Variants in FNDC3B observed in about 807,000 individuals in gnomAD.
FNDC3B encodes the protein fibronectin type III domain containing 3B.
In FNDC3B, 12 loss-of-function variants were observed where a neutral mutation model predicts 151.5. That is an observed-to-expected ratio of 0.08 (90% CI 0.05 to 0.13). The LOEUF is 0.13. Among genes scored for constraint, FNDC3B ranks in the 10% least tolerant of loss-of-function variants. The pLI is 1.00. For missense variants in FNDC3B, 1,214 were observed against 1,505.3 expected (o/e 0.81, Z 3.20); for synonymous variants, 528 against 549.0 (o/e 0.96, Z 0.54).
At position 172,112,538 on chromosome 3, in the gene FNDC3B, A is replaced by G. The variant is rs1245808526; in HGVS notation, c.59A>G (p.Asn20Ser). 6.2e-7 allele frequency: 1 copy of G among 1,614,144 alleles called. No homozygotes were observed. Among genetic ancestry groups the G allele is most frequent in the East Asian group, 2.2e-5 (1 of 44,878 alleles). ...CCTCTGGAACTGCCACCATTGCTGAACGGAGAGGTAGCCATGATGCCCCAC... is the reference window on the plus strand; with the variant it reads ...CCTCTGGAACTGCCACCATTGCTGAGCGGAGAGGTAGCCATGATGCCCCAC... ...QIPLELPPLLNGEVAMMPHLV... is the reference protein window; with the variant it reads ...QIPLELPPLLSGEVAMMPHLV... Residue 20 changes from asparagine (N) to serine (S), a missense_variant, in exon 2 of 26, where the codon AAC becomes AGC. Around this residue, in one of 7 missense-constraint regions of FNDC3B, gnomAD observed 113 missense variants for 177.8 expected, o/e 0.64. Coordinates refer to ENST00000415807, the MANE Select transcript of FNDC3B (RefSeq NM_022763.4).
At chr3:172,332,841 C>G (rs1196235564) in intron 13 of FNDC3B, among the ~76,000 whole-genome samples, 1 of 152,164 alleles carries the variant, frequency 6.6e-6, no homozygotes, top group Non-Finnish European at 1.5e-5. Flanking sequence ...TTGCTTAACT[C>G]CTTTGTCACA....
At chr3:172,091,873 G>GGGGGGTGT (rs1553760105) in intron 1 of FNDC3B, among the ~76,000 whole-genome samples, 1 of 124,756 alleles carries the variant, frequency 8.0e-6, no homozygotes, top group African/African-American at 3.2e-5. Context: ...ACTTTACTGG[G>GGGGGGTGT]GTGTGTGTGT....
At chr3:172,259,336 C>G (rs545244872) in intron 6 of FNDC3B, among the ~76,000 whole-genome samples, 2 of 152,140 alleles carry the variant, frequency 1.3e-5, no homozygotes, top group African/African-American at 2.4e-5. Context: ...CAATTAACAT[C>G]GCCACTTCCA....
intron 15 of FNDC3B, among the ~76,000 whole-genome samples, chr3:172,336,797 G>A (rs1174774911): frequency 6.6e-6 from 1 of 151,940 alleles, no homozygotes; most frequent in African/African-American, 2.4e-5. Context: ...CAGCTACTTG[G>A]GAGGCTGAGG....
intron 1 of FNDC3B, among the ~76,000 whole-genome samples, chr3:172,069,488 T>G (rs1717662248): frequency 6.6e-6 from 1 of 152,236 alleles, no homozygotes; most frequent in South Asian, 2.1e-4. Context: ...TTTTTTAATT[T>G]TAAGTTCTGG....
In FNDC3B at chr3:172,358,216, T is replaced by A. The variant is rs75281631; in HGVS notation, c.2796-4417T>A. Among the ~76,000 whole-genome samples, 84 of 152,380 alleles carry A rather than the reference T, an allele frequency of 5.5e-4. 1 individual carries two copies. The East Asian group carries it at 0.013, about 24-fold the overall frequency. On this transcript the variant is annotated intron_variant, in intron 22 of 25. Transcript: ENST00000415807. The stretch of plus-strand genomic sequence containing the variant: ...TAGCTCCTACCTTATGGGGTCAGCA[T>A]AGAAATCAGAGATGATATTGTAGAT...
intron 25 of FNDC3B, among the ~76,000 whole-genome samples, chr3:172,394,947 G>T (rs556002275): frequency 6.6e-6 from 1 of 152,058 alleles, no homozygotes; most frequent in South Asian, 2.1e-4. Flanking sequence ...TACCCAAATC[G>T]ACAAATGTGA....
intron 1 of FNDC3B, among the ~76,000 whole-genome samples, chr3:172,061,917 C>T (rs1399568249): frequency 1.3e-5 from 2 of 152,112 alleles, no homozygotes; most frequent in East Asian, 3.9e-4. Context: ...CTTTCAGTTC[C>T]ACAAACTAAT....
chr3:172,255,902 A>T (rs1403512437), intron 6 of FNDC3B, among the ~76,000 whole-genome samples: 1 of 152,062 alleles, frequency 6.6e-6, no homozygotes, highest in Non-Finnish European at 1.5e-5. Flanking sequence ...GTCTCCTCAT[A>T]CGTTTCTTAG....
At chr3:172,313,781 T>A (rs773949357) in intron 11 of FNDC3B, among the ~76,000 whole-genome samples, 2 of 152,228 alleles carry the variant, frequency 1.3e-5, no homozygotes, top group Non-Finnish European at 2.9e-5. Flanking sequence ...AATGGTGCTA[T>A]CGGGTTTCCT....
At chr3:172,336,066 AC>A (rs1732947401) in intron 15 of FNDC3B, among the ~76,000 whole-genome samples, 1 of 152,182 alleles carries the variant, frequency 6.6e-6, no homozygotes, top group South Asian at 2.1e-4. Flanking sequence ...AACACTACTT[AC>A]TTTCATTGGC....
At position 172,049,452 on chromosome 3, in the gene FNDC3B, C is replaced by T. The variant is rs189537080; in HGVS notation, c.-29+9681C>T. Among the ~76,000 whole-genome samples the T allele has an allele frequency of 1.8e-4, 28 of 152,304 alleles. No homozygotes were observed. The East Asian group carries it at 5.4e-3, about 29-fold the overall frequency. ...CATGAAGATAATCTATCCTGAATAG[C>T]ACAGCGAGTCATTTAGAAATCCAGT... On this transcript the variant is annotated intron_variant, in intron 1 of 25. Coordinates refer to ENST00000415807, the MANE Select transcript of FNDC3B (RefSeq NM_022763.4).
At chr3:172,126,159 A>G (rs770778345) in intron 2 of FNDC3B, among the ~76,000 whole-genome samples, 8 of 152,054 alleles carry the variant, frequency 5.3e-5, no homozygotes, top group Admixed American at 1.3e-4. Context: ...TGGAGTTTCA[A>G]CTTGGCTCAT....
At chr3:172,342,188 A>G (rs753903511) in intron 17 of FNDC3B, among the ~76,000 whole-genome samples, 6 of 152,230 alleles carry the variant, frequency 3.9e-5, no homozygotes, top group Non-Finnish European at 8.8e-5. Flanking sequence ...GTACTAGGGC[A>G]TCTAGACTGC....
intron 6 of FNDC3B, among the ~76,000 whole-genome samples, chr3:172,262,871 T>C (rs867244230): frequency 3.8e-4 from 42 of 109,570 alleles, no homozygotes; most frequent in Middle Eastern, 0.02. Context: ...CCCTTTCGCC[T>C]AGATGACAGA....
chr3:172,303,690 T>C (rs1731047965), intron 9 of FNDC3B, among the ~76,000 whole-genome samples: 1 of 151,678 alleles, frequency 6.6e-6, no homozygotes, highest in South Asian at 2.1e-4. Flanking sequence ...TCCTTTTACA[T>C]GATGATATTT....
intron 3 of FNDC3B, among the ~76,000 whole-genome samples, chr3:172,141,010 C>G (rs970606404): frequency 6.6e-6 from 1 of 152,182 alleles, no homozygotes; most frequent in Non-Finnish European, 1.5e-5. Flanking sequence ...AATGCTTAAC[C>G]TGTTAGCCCC....
Position 172,357,682 on chromosome 3 carries a change from A to G in FNDC3B, c.2795+4599A>G, listed in dbSNP as rs572765434. ...GCCTCCTGTGCTCAGAGGCCTTAATATTTTCCCCAGAATGCAACAAGACAT... is the reference window on the plus strand; with the variant it reads ...GCCTCCTGTGCTCAGAGGCCTTAATGTTTTCCCCAGAATGCAACAAGACAT... On this transcript the variant is annotated intron_variant, in intron 22 of 25. Transcript: ENST00000415807. 9.2e-5 allele frequency among the ~76,000 whole-genome samples: 14 copies of G among 151,848 alleles called. No homozygotes were observed. The South Asian group carries it at 2.5e-3, about 27-fold the overall frequency.
chr3:172,135,324 G>A (rs1312000968), intron 3 of FNDC3B, among the ~76,000 whole-genome samples: 3 of 151,782 alleles, frequency 2.0e-5, no homozygotes, highest in Non-Finnish European at 2.9e-5. Context: ...TGAGTTGGCC[G>A]CTCCCCCACT....
Sources: gnomAD v4.1 joint callset for allele counts (sites outside exome capture counted in the v4.1 genomes callset) on GRCh38, gnomAD v4.1.1 for gene constraint, gnomAD v4.1.1 regional missense constraint, MANE v1.5 for transcripts, NCBI Gene and HGNC (gene_info 2026-07-23, HGNC 2026-07-21) for gene names.